The following NEK7 variants were observed in gnomAD, a reference collection of about 807,000 sequenced individuals.
NEK7 encodes NIMA related kinase 7.
Under a neutral mutation model 44.6 loss-of-function variants are expected in NEK7, and 18 were observed. The observed-to-expected ratio is 0.40, with a 90% CI of 0.28 to 0.60. NEK7 has a LOEUF of 0.60. Among genes scored for constraint, NEK7 ranks in the 20% least tolerant of loss-of-function variants. The probability of loss-of-function intolerance (pLI) is 0.38; values close to 1 mark genes in which losing one functional copy is unlikely to be tolerated. For missense variants in NEK7, 256 were observed against 366.5 expected, an observed-to-expected ratio of 0.70 and a Z score of 2.46; for synonymous variants, 130 against 121.1, an observed-to-expected ratio of 1.07 and a Z score of -0.48.
intron 5 of NEK7, among the ~76,000 whole-genome samples, chr1:198,268,860 G>A (rs1298575385): frequency 6.6e-6 from 1 of 152,010 alleles, no homozygotes; most frequent in African/African-American, 2.4e-5. Context: ...TGGCTCATTG[G>A]CCTTTCATTT....
In NEK7 at chr1:198,253,087, A is replaced by T; in HGVS notation, c.105A>T (p.Arg35=). The T allele has an allele frequency of 6.2e-7, 1 of 1,612,526 alleles. No individual in the cohort carries two copies. Among genetic ancestry groups the T allele is most frequent in the Non-Finnish European group, 8.5e-7 (1 of 1,178,812 alleles). Residue 35 remains arginine, a synonymous_variant, in exon 3 of 10, where the codon CGA becomes CGT. Transcript: ENST00000367385. ...GCTATAATACATTAGCCAACTTTCG[A>T]ATAGAAAAGAAAATTGGTCGCGGAC... ...DMGYNTLANF[R]IEKKIGRGQF...
intron 9 of NEK7, among the ~76,000 whole-genome samples, chr1:198,317,350 T>C (rs183287479): frequency 6.6e-6 from 1 of 152,332 alleles, no homozygotes; most frequent in East Asian, 1.9e-4. Context: ...AAGGAGCAGT[T>C]TAGAAGCATC....
intron 1 of NEK7, among the ~76,000 whole-genome samples, chr1:198,206,592 T>G (rs1665607059): frequency 6.6e-6 from 1 of 152,144 alleles, no homozygotes. Flanking sequence ...AAGTAGAATC[T>G]TTCTTTGTCA....
chr1:198,306,135 A>G (rs1655019168), intron 9 of NEK7, among the ~76,000 whole-genome samples: 1 of 152,174 alleles, frequency 6.6e-6, no homozygotes. Context: ...TTTTATGAAG[A>G]TTGAATAAAT....
chr1:198,270,732 A>T (rs1454150890), intron 5 of NEK7, among the ~76,000 whole-genome samples: 2 of 151,940 alleles, frequency 1.3e-5, no homozygotes. Flanking sequence ...TTACATACTG[A>T]TTTTTCATGT....
At chr1:198,207,111 A>G (rs1248698217) in intron 1 of NEK7, 1 of 152,116 alleles carries the variant, frequency 6.6e-6, no homozygotes, top group Non-Finnish European at 1.5e-5. Flanking sequence ...TGATGAATTG[A>G]CGAAAATACA....
At chr1:198,298,454 T>A (rs1442561033) in intron 9 of NEK7, among the ~76,000 whole-genome samples, 1 of 152,234 alleles carries the variant, frequency 6.6e-6, no homozygotes, top group African/African-American at 2.4e-5. Context: ...AGCATTTGTA[T>A]TCAGGTAATT....
intron 1 of NEK7, among the ~76,000 whole-genome samples, chr1:198,215,294 A>G (rs1216685637): frequency 1.3e-5 from 2 of 152,184 alleles, no homozygotes; most frequent in Non-Finnish European, 2.9e-5. Flanking sequence ...CTAGGTAACA[A>G]CATGATGACT....
At chr1:198,179,815 ATGTATG>A (rs1664708284) in intron 1 of NEK7, among the ~76,000 whole-genome samples, 1 of 128,346 alleles carries the variant, frequency 7.8e-6, no homozygotes, top group Non-Finnish European at 1.7e-5. Context: ...GTGTGTGTGT[ATGTATG>A]TGTGTGTGTG....
chr1:198,251,518 G>T lies in NEK7; in HGVS notation c.58-1522G>T, dbSNP rs1433579281. 2.0e-5 allele frequency among the ~76,000 whole-genome samples: 3 copies of T among 151,620 alleles called. No homozygotes were observed. In the East Asian group the frequency reaches 5.8e-4, roughly 30 times the overall value. On this transcript the variant is annotated intron_variant, in intron 2 of 9. Transcript: ENST00000367385. ...ATCCATCTGGTCCTGGACTCTTTTT[G>T]GTTGGTAAGCTATTGATTATTGCCA...
chr1:198,269,949 G>T (rs1653783072), intron 5 of NEK7, among the ~76,000 whole-genome samples: 1 of 151,946 alleles, frequency 6.6e-6, no homozygotes, highest in African/African-American at 2.4e-5. Flanking sequence ...TTACAAAACA[G>T]ATTTCAGTTA....
rs1655481606 is a variant in NEK7 at position 198,319,684 on chromosome 1, A to G, written c.*162A>G. ...AGCTTCATTTTGTACCAGTCACCTA[A>G]ATCACCTCCTTGCAACCCCCAAATG... On this transcript the variant is annotated 3_prime_UTR_variant, in exon 10 of 10. Transcript: ENST00000367385. The G allele has an allele frequency of 4.1e-6, 3 of 740,244 alleles. No homozygotes were observed. Among genetic ancestry groups the G allele is most frequent in the African/African-American group, 3.7e-5 (2 of 54,562 alleles). 45.9% of individuals were successfully genotyped at this position (740,244 alleles called of 1,614,324 possible).
intron 7 of NEK7, among the ~76,000 whole-genome samples, chr1:198,281,719 C>T (rs537044416): frequency 5.3e-5 from 8 of 152,132 alleles, no homozygotes; most frequent in African/African-American, 1.9e-4. Flanking sequence ...TTAATAGGAT[C>T]GTGCACTTCC....
chr1:198,242,760 C>T (rs1426933486), intron 2 of NEK7, among the ~76,000 whole-genome samples: 1 of 151,238 alleles, frequency 6.6e-6, no homozygotes, highest in Non-Finnish European at 1.5e-5. Context: ...CCGTGCCTGG[C>T]CAATCTCAGC....
At chr1:198,202,173 G>A (rs1425413185) in intron 1 of NEK7, among the ~76,000 whole-genome samples, 1 of 151,906 alleles carries the variant, frequency 6.6e-6, no homozygotes, top group Non-Finnish European at 1.5e-5. Flanking sequence ...ATCCACATTA[G>A]TTACACTGGC....
chr1:198,294,388 T>C (rs1435812631), intron 8 of NEK7, among the ~76,000 whole-genome samples: 1 of 152,080 alleles, frequency 6.6e-6, no homozygotes, highest in Admixed American at 6.5e-5. Context: ...GTTTAAAAGT[T>C]AGTCACTCTG....
chr1:198,311,732 G>T (rs1655190236), intron 9 of NEK7, among the ~76,000 whole-genome samples: 1 of 152,150 alleles, frequency 6.6e-6, no homozygotes, highest in Non-Finnish European at 1.5e-5. Context: ...TTATATGCTG[G>T]ATTACATTGA....
chr1:198,211,878 G>GT (rs1372023470), intron 1 of NEK7, among the ~76,000 whole-genome samples: 1 of 152,214 alleles, frequency 6.6e-6, no homozygotes, highest in Non-Finnish European at 1.5e-5. Flanking sequence ...GAAAGACGCA[G>GT]TGGACAGTAG....
In NEK7 at chr1:198,315,639, C is replaced by G. The variant is rs1035526103; in HGVS notation, c.799-3773C>G. Among the ~76,000 whole-genome samples the G allele has an allele frequency of 2.0e-5, 3 of 152,032 alleles. 1 individual carries two copies. Among genetic ancestry groups the G allele is most frequent in the South Asian group, 4.1e-4 (2 of 4,828 alleles). The stretch of plus-strand genomic sequence containing the variant: ...GGCAGTGGAGATGGTGTGGCAGGAG[C>G]AAACAAAAGGTTTAAGGAGCCTGAG... On this transcript the variant is annotated intron_variant, in intron 9 of 9. Transcript: ENST00000367385.
Sources: allele counts gnomAD v4.1 joint callset (sites outside exome capture counted in the v4.1 genomes callset), GRCh38; gene constraint gnomAD v4.1.1; transcripts MANE v1.5; gene names NCBI Gene and HGNC (gene_info 2026-07-23, HGNC 2026-07-21).